Variants in GRM5 observed in about 807,000 individuals in gnomAD.
GRM5 encodes glutamate metabotropic receptor 5.
A neutral mutation model predicts 83.1 loss-of-function variants in GRM5; 19 were observed. The ratio of observed to expected loss-of-function variants is 0.23; its 90% confidence interval spans 0.16 to 0.34. The LOEUF is 0.34. GRM5 is among the 10% of genes least tolerant of loss of function. The probability of loss-of-function intolerance (pLI) is 1.00; values close to 1 mark genes in which losing one functional copy is unlikely to be tolerated. For missense variants in GRM5, 1,160 were observed against 1,588.3 expected (o/e 0.73, Z 4.58); for synonymous variants, 675 against 633.6 (o/e 1.07, Z -0.98).
intron 3 of GRM5, among the ~76,000 whole-genome samples, chr11:88,844,389 C>CAT (rs777826621): frequency 0.021 from 2,994 of 145,264 alleles, 83 homozygotes; most frequent in African/African-American, 0.07. Flanking sequence ...CACACACACA[C>CAT]ATATATATAT....
intron 3 of GRM5, among the ~76,000 whole-genome samples, chr11:88,765,212 T>C (rs1942603923): frequency 6.6e-6 from 1 of 151,020 alleles, no homozygotes; most frequent in African/African-American, 2.4e-5. Context: ...GTAAGCAAAA[T>C]GTCTCCCAAA....
intron 5 of GRM5, among the ~76,000 whole-genome samples, chr11:88,600,294 C>G (rs1937944935): frequency 6.9e-6 from 1 of 144,230 alleles, no homozygotes; most frequent in African/African-American, 2.6e-5. Context: ...CTCTCCCCCA[C>G]CCCTTCCCCC....
intron 2 of GRM5, among the ~76,000 whole-genome samples, chr11:88,969,625 T>A (rs1274487003): frequency 6.6e-6 from 1 of 152,130 alleles, no homozygotes; most frequent in Admixed American, 6.6e-5. Flanking sequence ...TGGCTTCATG[T>A]TAATAGCTCC....
chr11:89,047,393 A>C lies in GRM5; in HGVS notation c.480T>G (p.Asn160Lys). 1 of 1,614,088 alleles carries C rather than the reference A, an allele frequency of 6.2e-7. No individual in the cohort carries two copies. The highest frequency in any genetic ancestry group is 1.7e-5 in the Admixed American group (1 of 60,014). ...GSSSVAIQVQ[N>K]LLQLFNIPQI... The stretch of plus-strand genomic sequence containing the variant: ...GAGGTATGTTGAAAAGCTGGAGCAA[A>C]TTCTGGACCTGAATGGCTACAGAAC... Residue 160 changes from asparagine (N) to lysine (K), a missense_variant, in exon 2 of 10, where the codon AAT becomes AAG. Asn to Lys is a moderately conservative substitution (Grantham distance 94). This residue lies in a region of GRM5 where 84 missense variants were observed against 231.0 expected (regional missense o/e 0.36). Coordinates refer to ENST00000305447, the MANE Select transcript of GRM5 (RefSeq NM_001143831.3). The surrounding 1 kb of genome is among the most constrained non-coding windows in gnomAD (Gnocchi z 5.1).
intron 8 of GRM5, among the ~76,000 whole-genome samples, chr11:88,535,984 A>C (rs12794411): frequency 0.14 from 21,594 of 152,218 alleles, 1,935 homozygotes; most frequent in Non-Finnish European, 0.2. Flanking sequence ...TTTCTCAATA[A>C]TCCACACTTA....
chr11:88,603,541 C>T (rs1189446138), intron 5 of GRM5, among the ~76,000 whole-genome samples: 3 of 151,810 alleles, frequency 2.0e-5, no homozygotes, highest in Admixed American at 6.6e-5. Flanking sequence ...CATGGATATA[C>T]GTAAGAGCCA....
At chr11:88,592,966 A>T (rs1013121528) in intron 6 of GRM5, among the ~76,000 whole-genome samples, 5 of 152,126 alleles carry the variant, frequency 3.3e-5, no homozygotes, top group Non-Finnish European at 5.9e-5. Context: ...GATGTGTGCC[A>T]CCATGCCCAA....
intron 4 of GRM5, among the ~76,000 whole-genome samples, chr11:88,641,783 C>T (rs577650733): frequency 6.6e-6 from 1 of 152,308 alleles, no homozygotes; most frequent in East Asian, 1.9e-4. Context: ...GCTCCCACGG[C>T]CTTGGGCAGC....
chr11:89,005,262 T>C (rs977259202), intron 2 of GRM5, among the ~76,000 whole-genome samples: 1 of 152,240 alleles, frequency 6.6e-6, no homozygotes, highest in African/African-American at 2.4e-5. Context: ...ACTCCTTATT[T>C]AAGCAGAAGT....
chr11:88,621,224 C>T (rs1003516290), intron 4 of GRM5, among the ~76,000 whole-genome samples: 4 of 152,218 alleles, frequency 2.6e-5, no homozygotes, highest in Non-Finnish European at 5.9e-5. Flanking sequence ...CTAGACCAGA[C>T]TTTTCCCACT....
chr11:88,887,700 CT>C (rs1565278005), intron 2 of GRM5, among the ~76,000 whole-genome samples: 2 of 152,172 alleles, frequency 1.3e-5, no homozygotes, highest in Non-Finnish European at 2.9e-5. Flanking sequence ...TAAAGGGATA[CT>C]TTTTTGTCAT....
In GRM5 at chr11:88,567,015, T is replaced by A; in HGVS notation, c.2630+38A>T. On this transcript the variant is annotated intron_variant, in intron 8 of 9. Transcript: ENST00000305447. The surrounding 1 kb of genome is among the most constrained non-coding windows in gnomAD (Gnocchi z 7.3). Reference sequence around the variant, plus strand: ...GAAACACATGCCTCTGCTCCAGTTTTAGGGGCCAGCATCCCTGTAAGCCCC... The same window carrying A: ...GAAACACATGCCTCTGCTCCAGTTTAAGGGGCCAGCATCCCTGTAAGCCCC... The A allele has an allele frequency of 7.5e-7, 1 of 1,341,504 alleles. No homozygotes were observed. Among genetic ancestry groups the A allele is most frequent in the Non-Finnish European group, 1.0e-6 (1 of 964,574 alleles). 83.1% of individuals were successfully genotyped at this position (1,341,504 alleles called of 1,614,324 possible). A position where few individuals can be genotyped will look rare whatever the true frequency, so the allele number is the denominator to read the frequency against.
chr11:88,973,504 G>A (rs866462319), intron 2 of GRM5, among the ~76,000 whole-genome samples: 2 of 152,232 alleles, frequency 1.3e-5, no homozygotes, highest in South Asian at 2.1e-4. Flanking sequence ...AAAGTGTTAA[G>A]ATGGAGGCAG....
At chr11:88,786,801 C>T (rs1301556657) in intron 3 of GRM5, among the ~76,000 whole-genome samples, 3 of 151,972 alleles carry the variant, frequency 2.0e-5, no homozygotes, top group Non-Finnish European at 2.9e-5. Context: ...CCCCTTTCCT[C>T]GCTCCACTTA....
chr11:88,995,299 C>T (rs1677289795), intron 2 of GRM5, among the ~76,000 whole-genome samples: 2 of 151,976 alleles, frequency 1.3e-5, no homozygotes, highest in African/African-American at 4.8e-5. Flanking sequence ...GTAATCCCAG[C>T]ACTTCGGGAG....
chr11:88,778,643 G>T (rs1942911393), intron 3 of GRM5, among the ~76,000 whole-genome samples: 1 of 152,102 alleles, frequency 6.6e-6, no homozygotes, highest in Non-Finnish European at 1.5e-5. Flanking sequence ...CTATGAATTG[G>T]CTTATATTTG....
At chr11:88,913,250 T>A (rs1157693231) in intron 2 of GRM5, among the ~76,000 whole-genome samples, 1 of 152,124 alleles carries the variant, frequency 6.6e-6, no homozygotes, top group Admixed American at 6.6e-5. Context: ...GAGGCATGAT[T>A]ATATCCCATG....
chr11:88,969,867 T>C (rs1565314111), intron 2 of GRM5, among the ~76,000 whole-genome samples: 1 of 152,208 alleles, frequency 6.6e-6, no homozygotes, highest in African/African-American at 2.4e-5. Flanking sequence ...TTTTGAGTTA[T>C]AGTCATATCA....
At chr11:88,588,064 A>G (rs1278151014) in intron 7 of GRM5, among the ~76,000 whole-genome samples, 1 of 152,208 alleles carries the variant, frequency 6.6e-6, no homozygotes, top group Admixed American at 6.5e-5. Flanking sequence ...TATTTTGGAT[A>G]CATTATTCAG....
Sources: allele counts gnomAD v4.1 joint callset (sites outside exome capture counted in the v4.1 genomes callset), GRCh38; gene constraint gnomAD v4.1.1; regional missense constraint gnomAD v4.1.1; non-coding constraint Gnocchi (gnomAD v3.1); transcripts MANE v1.5; gene names NCBI Gene and HGNC (gene_info 2026-07-23, HGNC 2026-07-21).